The following NCOR2 variants were observed in gnomAD, a reference collection of about 807,000 sequenced individuals.
NCOR2 encodes the protein CTG repeat protein 26.
In NCOR2, 81 loss-of-function variants were observed where a neutral mutation model predicts 262.9. The ratio of observed to expected loss-of-function variants is 0.31; its 90% confidence interval spans 0.26 to 0.37. The LOEUF (loss-of-function observed/expected upper bound fraction) is 0.37, where lower values mean the gene tolerates loss of function less well. Ranked by LOEUF, NCOR2 falls within the 10% of genes least tolerant of loss-of-function variation. NCOR2 has a pLI of 1.00. For missense variants in NCOR2, 3,385 were observed against 3,621.4 expected, an observed-to-expected ratio of 0.93 and a Z score of 1.68; for synonymous variants, 1,659 against 1,559.3, an observed-to-expected ratio of 1.06 and a Z score of -1.51.
In NCOR2 at chr12:124,392,940, TC is replaced by T. The variant is rs542907694; in HGVS notation, c.1876+5178del. 1.0e-3 allele frequency among the ~76,000 whole-genome samples: 154 copies of T among 152,300 alleles called. 1 individual carries two copies. Among genetic ancestry groups the T allele is most frequent in the Admixed American group, 3.5e-3 (53 of 15,308 alleles). On this transcript the variant is annotated intron_variant, in intron 16 of 46. Transcript: ENST00000405201. ...CTTACTGGGAGCCACCAGGGCCTGG[TC>T]TTGCACATCCTCCCACTGTTGGCCG...
upstream of NCOR2, among the ~76,000 whole-genome samples, chr12:124,500,038 G>A (rs1323230390): frequency 6.6e-6 from 1 of 152,160 alleles, no homozygotes; most frequent in Non-Finnish European, 1.5e-5. Context: ...CTGTGCCTGT[G>A]GCATACCGAG....
chr12:124,349,449 C>G (rs1029483014), intron 28 of NCOR2, among the ~76,000 whole-genome samples: 1 of 152,168 alleles, frequency 6.6e-6, no homozygotes, highest in Non-Finnish European at 1.5e-5. Flanking sequence ...GTTCAGAAAA[C>G]GTTCCAAATT....
At chr12:124,372,207 C>T (rs758794609) in exon 20 of NCOR2, 5 of 1,601,504 alleles carry the variant, frequency 3.1e-6, no homozygotes, top group East Asian at 4.5e-5. Flanking sequence ...TGCCCTTGGC[C>T]GGCCCCTCCT....
chr12:124,523,305 T>C lies in NCOR2; in HGVS notation c.-118+12260A>G, dbSNP rs1244069703. Reference sequence around the variant, plus strand: ...CAGAATACCATGGGCACCCAGCAACTGGCAAGGACGGCTGGGGGCAGGGGG... The same window carrying C: ...CAGAATACCATGGGCACCCAGCAACCGGCAAGGACGGCTGGGGGCAGGGGG... On this transcript the variant is annotated intron_variant, in intron 1 of 46. Transcript: ENST00000404621. This position sits in a 1 kb window ranked among gnomAD's most constrained non-coding sequence, Gnocchi z 4.0. 2.0e-5 allele frequency among the ~76,000 whole-genome samples: 3 copies of C among 152,138 alleles called. No homozygotes were observed. Among genetic ancestry groups the C allele is most frequent in the Non-Finnish European group, 4.4e-5 (3 of 68,032 alleles).
At chr12:124,453,794 C>T (rs117329407) in intron 6 of NCOR2, among the ~76,000 whole-genome samples, 2 of 152,400 alleles carry the variant, frequency 1.3e-5, no homozygotes, top group East Asian at 3.9e-4. Flanking sequence ...CGCTCCCAGC[C>T]TGGTCCAGTC....
chr12:124,335,079 G>T, intron 40 of NCOR2, 56 bp downstream of exon 42: 1 of 1,611,444 alleles, frequency 6.2e-7, no homozygotes. Flanking sequence ...CCCCTCTCCA[G>T]GCCTGGTGCC....
chr12:124,486,577 G>A lies in NCOR2; in HGVS notation c.106-9C>T, dbSNP rs1221399408. The A allele has an allele frequency of 1.3e-6, 2 of 1,562,030 alleles. No individual in the cohort carries two copies. Among genetic ancestry groups the A allele is most frequent in the African/African-American group, 1.4e-5 (1 of 73,556 alleles). On this transcript the variant is annotated splice_polypyrimidine_tract_variant and intron_variant, in intron 1 of 46. Coordinates refer to ENST00000405201, the Ensembl canonical transcript of NCOR2. Reference sequence around the variant, plus strand: ...TCCAGGAGCCCGACGTCCTGCAGGAGGGGACAGAGGAGTGGTGAGCGTGGG... The same window carrying A: ...TCCAGGAGCCCGACGTCCTGCAGGAAGGGACAGAGGAGTGGTGAGCGTGGG...
chr12:124,433,696 G>A (rs937477961), intron 8 of NCOR2, among the ~76,000 whole-genome samples: 4 of 152,104 alleles, frequency 2.6e-5, no homozygotes, highest in African/African-American at 4.8e-5. Flanking sequence ...TGTGCATTCG[G>A]TCTGCCTCGG....
chr12:124,405,772 C>T (rs1469577832), intron 13 of NCOR2, among the ~76,000 whole-genome samples: 13 of 152,292 alleles, frequency 8.5e-5, no homozygotes, highest in Admixed American at 5.2e-4. Flanking sequence ...ACCCGGCAGC[C>T]GGCTCAGCCC....
chr12:124,485,442 T>C (rs1185225114), intron 2 of NCOR2, among the ~76,000 whole-genome samples: 2 of 152,182 alleles, frequency 1.3e-5, no homozygotes, highest in Admixed American at 6.5e-5. Context: ...CCCCAGAAGC[T>C]GGAGGAGACA....
At chr12:124,329,331 G>A (rs1015053400) in intron 44 of NCOR2, among the ~76,000 whole-genome samples, 3 of 152,016 alleles carry the variant, frequency 2.0e-5, no homozygotes, top group African/African-American at 2.4e-5. Context: ...GTGTAGTGGC[G>A]GGTGTCTGTA....
chr12:124,329,978 T>C (rs1010622371), intron 44 of NCOR2, among the ~76,000 whole-genome samples: 1 of 152,216 alleles, frequency 6.6e-6, no homozygotes, highest in East Asian at 1.9e-4. Flanking sequence ...GGAGGTGTCC[T>C]AGTTGGGACT....
chr12:124,413,215 C>A (rs2042681063), intron 13 of NCOR2, among the ~76,000 whole-genome samples: 1 of 152,208 alleles, frequency 6.6e-6, no homozygotes, highest in Admixed American at 6.5e-5. Flanking sequence ...GCGCTGTTGA[C>A]CCTGGGAGGG....
intron 5 of NCOR2, 50 bp downstream of exon 7, chr12:124,466,123 C>T (rs1321647126): frequency 2.0e-6 from 3 of 1,520,352 alleles, no homozygotes; most frequent in Non-Finnish European, 2.7e-6. Flanking sequence ...CCCTGTGAAG[C>T]GCCTCATGGC....
chr12:124,341,243 CTT>C (rs757260730), intron 34 of NCOR2, among the ~76,000 whole-genome samples: 1 of 145,984 alleles, frequency 6.9e-6, no homozygotes. Flanking sequence ...ACATTTTCAT[CTT>C]TTTTTTTTTT....
At chr12:124,471,032 C>T (rs2046805151) in intron 4 of NCOR2, among the ~76,000 whole-genome samples, 1 of 152,208 alleles carries the variant, frequency 6.6e-6, no homozygotes, top group African/African-American at 2.4e-5. Context: ...TGGGGCCCGG[C>T]CCCTCTCGGG....
In NCOR2 at chr12:124,481,145, GAA is replaced by G. The variant is rs777338830; in HGVS notation, c.411+2449_411+2450del. On this transcript the variant is annotated intron_variant, in intron 3 of 46. Transcript: ENST00000405201. This position sits in a 1 kb window ranked among gnomAD's most constrained non-coding sequence, Gnocchi z 4.6. ...GACAGGGGGGCTGTTTGGGTGGAAA[GAA>G]AGAGAGGGAGGAAGAAGGAGGGAGG... is the stretch of plus-strand genomic sequence containing the variant. Among the ~76,000 whole-genome samples the G allele has an allele frequency of 5.3e-5, 8 of 151,742 alleles. No individual in the cohort carries two copies. Among genetic ancestry groups the G allele is most frequent in the Non-Finnish European group, 1.0e-4 (7 of 67,868 alleles).
chr12:124,456,811 C>T (rs890529697), intron 6 of NCOR2, among the ~76,000 whole-genome samples: 11 of 152,334 alleles, frequency 7.2e-5, no homozygotes, highest in African/African-American at 2.2e-4. Flanking sequence ...GGATGTGTGA[C>T]TCTCCTCACA....
At chr12:124,450,456 T>C (rs1343366541) in intron 6 of NCOR2, among the ~76,000 whole-genome samples, 1 of 152,154 alleles carries the variant, frequency 6.6e-6, no homozygotes, top group Non-Finnish European at 1.5e-5. Flanking sequence ...CCGACCCCCA[T>C]GCTCCTGCAG....
Sources: gnomAD v4.1 joint callset for allele counts (sites outside exome capture counted in the v4.1 genomes callset) on GRCh38, gnomAD v4.1.1 for gene constraint, Gnocchi (gnomAD v3.1) non-coding constraint, MANE v1.5 for transcripts, NCBI Gene and HGNC (gene_info 2026-07-23, HGNC 2026-07-21) for gene names.